The following MAD1L1 variants were observed in gnomAD, a reference collection of about 807,000 sequenced individuals.
MAD1L1 encodes mitotic spindle assembly checkpoint protein MAD1.
A neutral mutation model predicts 96.9 loss-of-function variants in MAD1L1; 95 were observed. The ratio of observed to expected loss-of-function variants is 0.98; its 90% CI spans 0.83 to 1.16. The LOEUF is 1.16. Ranked by LOEUF, MAD1L1 falls within the 50% of genes most tolerant of loss-of-function variation. The pLI is 0.00. For missense variants in MAD1L1, 1,007 were observed against 954.4 expected (o/e 1.06, Z -0.73); for synonymous variants, 473 against 396.6 (o/e 1.19, Z -2.29).
chr7:1,874,954 C>A (rs1370796563), intron 18 of MAD1L1, among the ~76,000 whole-genome samples: 1 of 152,138 alleles, frequency 6.6e-6, no homozygotes, highest in Non-Finnish European at 1.5e-5. Context: ...CCACCCCGGG[C>A]CCCGGCTGGG....
chr7:2,019,699 CACGCAAGGCCACGCCTCACCACCCCCA>C (rs1317349703), intron 12 of MAD1L1, among the ~76,000 whole-genome samples: 32 of 152,072 alleles, frequency 2.1e-4, no homozygotes, highest in African/African-American at 6.5e-4. Context: ...ACCCTCCACC[CACGCAAGGCCACGCCTCACCACCCCCA>C]ACGCAAGGCC....
chr7:1,910,489 G>A (rs1233936131), intron 17 of MAD1L1, among the ~76,000 whole-genome samples: 37 of 152,342 alleles, frequency 2.4e-4, no homozygotes, highest in South Asian at 2.1e-4. Flanking sequence ...AACACCCGCC[G>A]CGGAGCCAAA....
chr7:2,215,376 CAAAAAAAAAA>C (rs34020959), intron 9 of MAD1L1, among the ~76,000 whole-genome samples: 2 of 83,340 alleles, frequency 2.4e-5, no homozygotes, highest in African/African-American at 4.7e-5. Context: ...GACTCCATCT[CAAAAAAAAAA>C]AAAAAAAAAG....
chr7:1,971,549 A>G (rs915594645), intron 15 of MAD1L1, among the ~76,000 whole-genome samples: 10 of 152,218 alleles, frequency 6.6e-5, no homozygotes, highest in African/African-American at 1.9e-4. Context: ...CTTAAAATAT[A>G]TATTATATAA....
At chr7:1,903,514 A>G (rs967492575) in intron 17 of MAD1L1, among the ~76,000 whole-genome samples, 1 of 146,794 alleles carries the variant, frequency 6.8e-6, no homozygotes, top group Non-Finnish European at 1.5e-5. Flanking sequence ...TGTTCCAGGC[A>G]GCGAGGACGC....
At chr7:1,988,292 C>T (rs1031744445) in intron 14 of MAD1L1, among the ~76,000 whole-genome samples, 63 of 152,320 alleles carry the variant, frequency 4.1e-4, no homozygotes, top group Admixed American at 2.6e-4. Context: ...GCAACTCTGC[C>T]GCTGCATCAG....
intron 12 of MAD1L1, among the ~76,000 whole-genome samples, chr7:2,061,766 G>T (rs1019927896): frequency 6.6e-6 from 1 of 152,244 alleles, no homozygotes; most frequent in Non-Finnish European, 1.5e-5. Flanking sequence ...CCGATGTCGG[G>T]TACAGCCAAG....
At chr7:2,197,791 G>A (rs1203904742) in intron 10 of MAD1L1, among the ~76,000 whole-genome samples, 3 of 152,234 alleles carry the variant, frequency 2.0e-5, no homozygotes, top group Non-Finnish European at 4.4e-5. Context: ...ATCGGCTGCT[G>A]TCTGACACCT....
intron 12 of MAD1L1, among the ~76,000 whole-genome samples, chr7:2,015,713 C>G (rs959036544): frequency 2.0e-5 from 3 of 152,242 alleles, no homozygotes; most frequent in African/African-American, 7.2e-5. Context: ...CCTGTCCGCC[C>G]TGCGTGAGCC....
At chr7:1,849,641 C>A (rs1419315120) in intron 18 of MAD1L1, 1 of 152,176 alleles carries the variant, frequency 6.6e-6, no homozygotes, top group Non-Finnish European at 1.5e-5. Context: ...AGCGTCCTGG[C>A]GTCCTAGGTG....
intron 10 of MAD1L1, among the ~76,000 whole-genome samples, chr7:2,163,442 C>T (rs1425781884): frequency 6.6e-6 from 1 of 152,164 alleles, no homozygotes; most frequent in Non-Finnish European, 1.5e-5. Context: ...GGCACAATCT[C>T]GGCTCACTGC....
intron 9 of MAD1L1, among the ~76,000 whole-genome samples, chr7:2,215,132 AC>A (rs956152287): frequency 1.3e-5 from 2 of 152,138 alleles, no homozygotes; most frequent in African/African-American, 4.8e-5. Flanking sequence ...TAATCCCAGC[AC>A]TTTGGGAGGC....
rs10248097 is a variant in MAD1L1 at position 1,846,704 on chromosome 7, G to A, written c.1999-30476C>T. 1,159 of 160,736 alleles carry A rather than the reference G, an allele frequency of 7.2e-3. 15 individuals are homozygous for A. The highest frequency in any genetic ancestry group is 0.026 in the African/African-American group (1,092 of 41,606). 10.0% of individuals were successfully genotyped at this position (160,736 alleles called of 1,614,324 possible). A position where few individuals can be genotyped will look rare whatever the true frequency, so the allele number is the denominator to read the frequency against. On this transcript the variant is annotated intron_variant, in intron 18 of 18. Transcript: ENST00000265854. ...TGCATTTCTGTTGTTCCCAGAGCGA[G>A]GGGATGAGAAGCCTGAGGCCGGCCC...
intron 13 of MAD1L1, 73 bp from the exon 14 acceptor site, chr7:2,002,194 A>T: frequency 7.1e-7 from 1 of 1,417,192 alleles, no homozygotes. Flanking sequence ...CAGGGAACAC[A>T]ACCCCCACCA....
intron 3 of MAD1L1, among the ~76,000 whole-genome samples, chr7:2,226,749 A>G (rs4719462): frequency 0.37 from 55,698 of 152,036 alleles, 10,561 homozygotes; most frequent in East Asian, 0.52. Context: ...CAGTACTTTG[A>G]GAGGCCAAGG....
chr7:1,967,611 G>A (rs1364100237), intron 15 of MAD1L1, among the ~76,000 whole-genome samples: 1 of 152,234 alleles, frequency 6.6e-6, no homozygotes, highest in African/African-American at 2.4e-5. Flanking sequence ...TCAGGACTGT[G>A]CTGCCAAGAG....
chr7:2,136,257 C>T (rs1004078600), intron 11 of MAD1L1, among the ~76,000 whole-genome samples: 2 of 152,196 alleles, frequency 1.3e-5, no homozygotes, highest in African/African-American at 2.4e-5. Flanking sequence ...GAAAAAGCAT[C>T]GCCCTGATGA....
intron 17 of MAD1L1, among the ~76,000 whole-genome samples, chr7:1,913,844 CT>C (rs553766624): frequency 7.2e-4 from 110 of 152,250 alleles, no homozygotes; most frequent in African/African-American, 2.5e-3. Context: ...GACTTCACCC[CT>C]ATGGGAAGAA....
chr7:2,013,105 C>A (rs1197629920), intron 13 of MAD1L1, among the ~76,000 whole-genome samples: 1 of 152,242 alleles, frequency 6.6e-6, no homozygotes, highest in African/African-American at 2.4e-5. Flanking sequence ...GCTCCAGGGG[C>A]CAGAGGCTCT....
Sources: allele counts gnomAD v4.1 joint callset (sites outside exome capture counted in the v4.1 genomes callset), GRCh38; gene constraint gnomAD v4.1.1; transcripts MANE v1.5; gene names NCBI Gene and HGNC (gene_info 2026-07-23, HGNC 2026-07-21).